Variants in ZBTB7C observed in about 807,000 individuals in gnomAD.
The protein encoded by ZBTB7C is zinc finger and BTB domain-containing protein 7C.
ZBTB7C carries 8 observed loss-of-function variants against 25.7 expected under a neutral mutation model. The observed-to-expected ratio is 0.31, with a 90% CI of 0.18 to 0.56. The LOEUF is 0.56. Ranked by LOEUF, ZBTB7C falls within the 20% of genes least tolerant of loss-of-function variation. The pLI, the probability that ZBTB7C is intolerant of heterozygous loss-of-function variation, is 0.91. For missense variants in ZBTB7C, 824 were observed against 855.2 expected (o/e 0.96, Z 0.46); for synonymous variants, 394 against 369.0 (o/e 1.07, Z -0.78).
At chr18:48,372,242 C>A (rs1827861854) in intron 1 of ZBTB7C, among the ~76,000 whole-genome samples, 1 of 152,126 alleles carries the variant, frequency 6.6e-6, no homozygotes, top group African/African-American at 2.4e-5. Flanking sequence ...TGCTTGAAGC[C>A]CTCTAATTCA....
intron 3 of ZBTB7C, among the ~76,000 whole-genome samples, chr18:48,128,441 T>A (rs1487869579): frequency 6.6e-6 from 1 of 152,216 alleles, no homozygotes; most frequent in African/African-American, 2.4e-5. Context: ...ATTGTAAAGA[T>A]ATGGAACCAA....
chr18:48,356,269 G>A (rs1403283539), intron 1 of ZBTB7C, among the ~76,000 whole-genome samples: 1 of 152,176 alleles, frequency 6.6e-6, no homozygotes, highest in African/African-American at 2.4e-5. Flanking sequence ...CGCTCAGAAA[G>A]CCTCCATGCA....
intron 3 of ZBTB7C, chr18:48,150,789 T>C (rs955355238): frequency 1.3e-5 from 2 of 152,096 alleles, no homozygotes; most frequent in African/African-American, 2.4e-5. Flanking sequence ...AAATGCAAAT[T>C]TGAAGTCCCT....
chr18:48,394,571 C>T lies in ZBTB7C; in HGVS notation c.-304+14655G>A, dbSNP rs550817092. ...TGTATGATATATTTTGGAAAGGTAACGAAGTCTGGGAAGTAGGCAGTGTAA... is the reference window on the plus strand; with the variant it reads ...TGTATGATATATTTTGGAAAGGTAATGAAGTCTGGGAAGTAGGCAGTGTAA... On this transcript the variant is annotated intron_variant, in intron 1 of 4. Transcript: ENST00000590800. Among the ~76,000 whole-genome samples the T allele has an allele frequency of 4.6e-5, 7 of 152,236 alleles. No individual in the cohort carries two copies. In the East Asian group the frequency reaches 7.7e-4, roughly 17 times the overall value.
chr18:48,241,274 G>T (rs1311772395), intron 2 of ZBTB7C, among the ~76,000 whole-genome samples: 3 of 152,152 alleles, frequency 2.0e-5, no homozygotes, highest in African/African-American at 7.2e-5. Flanking sequence ...ATACTCCACT[G>T]ACAGCATTAG....
rs1460621330 is a variant in ZBTB7C, at chr18:48,074,346, TG to T, written c.-16-33224del. Among the ~76,000 whole-genome samples, 6 of 152,182 alleles carry T rather than the reference TG, an allele frequency of 3.9e-5. No homozygotes were observed. In the South Asian group the frequency reaches 1.2e-3, roughly 32 times the overall value. ...ACCTTTTCTAAGGTCACCCTCCATC[TG>T]GGGGGCAGTCATTCCTGAGATATCG... is the stretch of plus-strand genomic sequence containing the variant. On this transcript the variant is annotated intron_variant, in intron 3 of 4. Transcript: ENST00000590800.
chr18:48,315,104 A>G (rs2144816741), intron 2 of ZBTB7C, among the ~76,000 whole-genome samples: 1 of 152,288 alleles, frequency 6.6e-6, no homozygotes, highest in South Asian at 2.1e-4. Flanking sequence ...TAGAGTTGGG[A>G]CAAAATGTGT....
intron 3 of ZBTB7C, among the ~76,000 whole-genome samples, chr18:48,046,270 A>G (rs1040348588): frequency 6.6e-6 from 1 of 152,246 alleles, no homozygotes; most frequent in Non-Finnish European, 1.5e-5. Context: ...TGGCAGTTAA[A>G]TGTCTCACCT....
intron 2 of ZBTB7C, among the ~76,000 whole-genome samples, chr18:48,324,494 G>T (rs527681915): frequency 6.6e-6 from 1 of 151,930 alleles, no homozygotes; most frequent in East Asian, 1.9e-4. Context: ...TGATGCTATG[G>T]TCTGAATGTG....
intron 1 of ZBTB7C, among the ~76,000 whole-genome samples, chr18:48,344,142 C>T (rs1336994198): frequency 6.6e-6 from 1 of 152,198 alleles, no homozygotes; most frequent in African/African-American, 2.4e-5. Flanking sequence ...CACCTCCACA[C>T]CCGGCTAATT....
chr18:48,265,675 A>G (rs374280788), intron 2 of ZBTB7C, among the ~76,000 whole-genome samples: 17 of 152,354 alleles, frequency 1.1e-4, no homozygotes, highest in East Asian at 7.7e-4. Flanking sequence ...AAAGAGAGGC[A>G]TCTCTTGAAT....
chr18:48,294,132 G>T lies in ZBTB7C; in HGVS notation c.-79+44042C>A, dbSNP rs541760149. On this transcript the variant is annotated intron_variant, in intron 2 of 4. Transcript: ENST00000590800. The stretch of plus-strand genomic sequence containing the variant: ...GTTCAGCATGCACCTTCCCCTGGGA[G>T]CCCGGAGAGCACATTAGCAGAGGCT... Among the ~76,000 whole-genome samples, 4 of 152,304 alleles carry T rather than the reference G, an allele frequency of 2.6e-5. No homozygotes were observed. The East Asian group carries it at 7.7e-4, about 29-fold the overall frequency.
intron 1 of ZBTB7C, among the ~76,000 whole-genome samples, chr18:48,339,101 G>A (rs1411266711): frequency 6.6e-6 from 1 of 152,258 alleles, no homozygotes; most frequent in Non-Finnish European, 1.5e-5. Context: ...GTCAGGAGGG[G>A]CCAAAGTCCT....
At position 48,147,120 on chromosome 18, in the gene ZBTB7C, C is replaced by T. The variant is rs1000203515; in HGVS notation, c.-17+38814G>A. 3.3e-5 allele frequency among the ~76,000 whole-genome samples: 5 copies of T among 152,184 alleles called. No individual in the cohort carries two copies. In the East Asian group the frequency reaches 9.6e-4, roughly 29 times the overall value. ...GAGACACAGTCTCACTCTTGTCACC[C>T]AGGCTGGAGTGCAGTGATGCCATCT... On this transcript the variant is annotated intron_variant, in intron 3 of 4. Transcript: ENST00000590800.
At chr18:48,221,250 TATA>T (rs879424079) in intron 2 of ZBTB7C, among the ~76,000 whole-genome samples, 3 of 149,882 alleles carry the variant, frequency 2.0e-5, no homozygotes, top group Non-Finnish European at 4.4e-5. Context: ...TAGTCTCCTC[TATA>T]ATGTTCTAGA....
At chr18:48,141,109 C>T (rs2040329028) in intron 3 of ZBTB7C, among the ~76,000 whole-genome samples, 1 of 151,852 alleles carries the variant, frequency 6.6e-6, no homozygotes, top group Admixed American at 6.6e-5. Flanking sequence ...TCCCTGCACC[C>T]CATACTGCAA....
intron 2 of ZBTB7C, among the ~76,000 whole-genome samples, chr18:48,299,275 G>A (rs747938947): frequency 9.9e-5 from 15 of 152,120 alleles, no homozygotes; most frequent in Non-Finnish European, 2.2e-4. Flanking sequence ...ATAATTACTG[G>A]GCAAGAGGGC....
intron 2 of ZBTB7C, among the ~76,000 whole-genome samples, chr18:48,232,610 T>A (rs188679522): frequency 6.6e-6 from 1 of 152,134 alleles, no homozygotes; most frequent in East Asian, 1.9e-4. Flanking sequence ...TATAATAAAA[T>A]GGATTGTTAT....
At chr18:48,172,969 A>G (rs2041542767) in intron 3 of ZBTB7C, among the ~76,000 whole-genome samples, 2 of 152,214 alleles carry the variant, frequency 1.3e-5, no homozygotes, top group African/African-American at 4.8e-5. Flanking sequence ...CTCACTGCAG[A>G]GTAACTCACT....
Sources: gnomAD v4.1 joint callset for allele counts (sites outside exome capture counted in the v4.1 genomes callset) on GRCh38, gnomAD v4.1.1 for gene constraint, MANE v1.5 for transcripts, NCBI Gene and HGNC (gene_info 2026-07-23, HGNC 2026-07-21) for gene names.